HECW1: variants seen among roughly 807,000 people sequenced by gnomAD.
The protein encoded by HECW1 is E3 ubiquitin-protein ligase HECW1.
HECW1 carries 61 observed loss-of-function variants against 182.3 expected under a neutral mutation model. That is an observed-to-expected ratio of 0.33 (90% CI 0.27 to 0.41). The LOEUF (loss-of-function observed/expected upper bound fraction) is 0.41, where lower values mean the gene tolerates loss of function less well. Ranked by LOEUF, HECW1 falls within the 10% of genes least tolerant of loss-of-function variation. HECW1 has a pLI of 1.00. For synonymous variants in HECW1, 859 were observed against 832.6 expected (o/e 1.03, Z -0.55); for missense variants, 1,739 against 2,108.9 (o/e 0.82, Z 3.44).
rs189301211 is a variant in HECW1 at position 43,408,316 on chromosome 7, C to T, written c.801+585C>T. On this transcript the variant is annotated intron_variant, in intron 8 of 29. Transcript: ENST00000395891. ...AGTATTGAATAGTCTATGTTGTCTA[C>T]AAAGGCCCTTCTCCACTCCTGAAAG... Among the ~76,000 whole-genome samples the T allele has an allele frequency of 5.2e-4, 79 of 152,218 alleles. 1 individual carries two copies. The highest frequency in any genetic ancestry group is 1.8e-3 in the African/African-American group (76 of 41,540).
At chr7:43,295,988 G>C (rs971425085) in intron 3 of HECW1, among the ~76,000 whole-genome samples, 3 of 152,060 alleles carry the variant, frequency 2.0e-5, no homozygotes, top group African/African-American at 7.2e-5. Context: ...TGCTTAATTA[G>C]CATTACTTAT....
chr7:43,405,124 G>A (rs1237375865), intron 7 of HECW1, among the ~76,000 whole-genome samples: 1 of 152,168 alleles, frequency 6.6e-6, no homozygotes, highest in African/African-American at 2.4e-5. Flanking sequence ...ACCTTGCGGA[G>A]TTTGTGTTCA....
At chr7:43,140,529 G>A (rs1788047151) in intron 2 of HECW1, among the ~76,000 whole-genome samples, 1 of 152,114 alleles carries the variant, frequency 6.6e-6, no homozygotes, top group Non-Finnish European at 1.5e-5. Flanking sequence ...ATCGTTTCTG[G>A]CCTTCGTGGT....
At chr7:43,417,477 T>G (rs184551164) in intron 8 of HECW1, among the ~76,000 whole-genome samples, 2 of 152,216 alleles carry the variant, frequency 1.3e-5, no homozygotes, top group Non-Finnish European at 2.9e-5. Flanking sequence ...TTGAATGTCT[T>G]TATTTAATGT....
intron 8 of HECW1, among the ~76,000 whole-genome samples, chr7:43,435,505 G>A (rs1053313585): frequency 6.6e-6 from 1 of 152,168 alleles, no homozygotes; most frequent in Non-Finnish European, 1.5e-5. Flanking sequence ...TGTGGAACTC[G>A]TTAGTTCTGT....
At chr7:43,363,568 C>T (rs1816235133) in intron 6 of HECW1, among the ~76,000 whole-genome samples, 1 of 152,186 alleles carries the variant, frequency 6.6e-6, no homozygotes, top group African/African-American at 2.4e-5. Context: ...GATCGCATAG[C>T]CCCTCTGCCA....
chr7:43,329,102 T>TG (rs1257732014), intron 5 of HECW1, among the ~76,000 whole-genome samples: 1 of 151,960 alleles, frequency 6.6e-6, no homozygotes, highest in Admixed American at 6.6e-5. Flanking sequence ...AGCCTGACCT[T>TG]GGGGCAAAGA....
chr7:43,122,665 G>T (rs918978921), intron 2 of HECW1, among the ~76,000 whole-genome samples: 1 of 151,946 alleles, frequency 6.6e-6, no homozygotes, highest in Non-Finnish European at 1.5e-5. Context: ...AAAAATAGCG[G>T]AAATTCACAA....
At chr7:43,210,770 C>T (rs1014051070) in intron 2 of HECW1, among the ~76,000 whole-genome samples, 1 of 152,198 alleles carries the variant, frequency 6.6e-6, no homozygotes. Context: ...CAATGGGCGC[C>T]TCACTGGATC....
At chr7:43,268,447 G>A (rs117453545) in intron 3 of HECW1, among the ~76,000 whole-genome samples, 35 of 152,300 alleles carry the variant, frequency 2.3e-4, no homozygotes, top group Admixed American at 3.3e-4. Flanking sequence ...TTTGTCCCCC[G>A]CGGACATTTG....
At chr7:43,519,399 T>C (rs1963417) in intron 24 of HECW1, among the ~76,000 whole-genome samples, 39,656 of 151,844 alleles carry the variant, frequency 0.26, 5,305 homozygotes, top group South Asian at 0.43. Flanking sequence ...GCGCCCACTA[T>C]CACACCCGGC....
intron 3 of HECW1, among the ~76,000 whole-genome samples, chr7:43,303,552 A>G (rs1427024416): frequency 1.3e-5 from 2 of 151,788 alleles, no homozygotes; most frequent in Non-Finnish European, 2.9e-5. Context: ...TGCTTATTAA[A>G]ATTTTCTCCC....
In HECW1 at chr7:43,541,974, T is replaced by C. The variant is rs769046579; in HGVS notation, c.4224T>C (p.Thr1408=). The change falls in exon 26 of 30, where the codon ACT becomes ACC. Residue 1408 remains threonine, a synonymous_variant. Transcript: ENST00000395891. The part of the protein sequence containing the change: ...NITDILDLTF[T]VNEEVFGQVT... Reference sequence around the variant, plus strand: ...CAGACATCTTAGACCTCACTTTCACTGTTAATGAAGAGGTTTTTGGACAGG... The same window carrying C: ...CAGACATCTTAGACCTCACTTTCACCGTTAATGAAGAGGTTTTTGGACAGG... 2 of 1,544,446 alleles carry C rather than the reference T, an allele frequency of 1.3e-6. No individual in the cohort carries two copies. Among genetic ancestry groups the C allele is most frequent in the South Asian group, 2.5e-5 (2 of 78,468 alleles).
At chr7:43,194,274 T>A (rs1794217113) in intron 2 of HECW1, 4 of 152,158 alleles carry the variant, frequency 2.6e-5, no homozygotes, top group Admixed American at 2.6e-4. Context: ...ATTTCTGTAT[T>A]TAGTCAGCAT....
chr7:43,334,415 A>G (rs75331808), intron 5 of HECW1, among the ~76,000 whole-genome samples: 4,467 of 152,320 alleles, frequency 0.029, 209 homozygotes, highest in African/African-American at 0.1. Flanking sequence ...TCTCTGTCTC[A>G]TGTATCACAC....
chr7:43,330,576 G>A (rs1811335941), intron 5 of HECW1, among the ~76,000 whole-genome samples: 1 of 152,244 alleles, frequency 6.6e-6, no homozygotes, highest in African/African-American at 2.4e-5. Context: ...AGTCAAGGGA[G>A]GAGAAACCAT....
chr7:43,312,899 A>G (rs1458282428), intron 4 of HECW1, among the ~76,000 whole-genome samples: 1 of 152,274 alleles, frequency 6.6e-6, no homozygotes, highest in Non-Finnish European at 1.5e-5. Context: ...GAAGGCCACA[A>G]GAGTCAACAG....
chr7:43,532,353 C>A (rs914838703), intron 24 of HECW1, among the ~76,000 whole-genome samples: 1 of 152,184 alleles, frequency 6.6e-6, no homozygotes, highest in Non-Finnish European at 1.5e-5. Context: ...TTCACTCTTG[C>A]CAGACTCACC....
intron 5 of HECW1, among the ~76,000 whole-genome samples, chr7:43,336,733 A>C (rs1812337741): frequency 6.6e-6 from 1 of 151,996 alleles, no homozygotes; most frequent in Non-Finnish European, 1.5e-5. Flanking sequence ...TCCTCAGTCT[A>C]TTATCTCCAT....
Sources: gnomAD v4.1 joint callset for allele counts (sites outside exome capture counted in the v4.1 genomes callset) on GRCh38, gnomAD v4.1.1 for gene constraint, MANE v1.5 for transcripts, NCBI Gene and HGNC (gene_info 2026-07-23, HGNC 2026-07-21) for gene names.